MYO6: variants seen among roughly 807,000 people sequenced by gnomAD.
MYO6 encodes the protein myosin VI.
Under a neutral mutation model 178.7 loss-of-function variants are expected in MYO6, and 74 were observed. The observed-to-expected ratio is 0.41, with a 90% confidence interval of 0.34 to 0.50. The LOEUF (loss-of-function observed/expected upper bound fraction) is 0.50, where lower values mean the gene tolerates loss of function less well. Among genes scored for constraint, MYO6 ranks in the 20% least tolerant of loss-of-function variants. MYO6 has a pLI of 0.09. For synonymous variants in MYO6, 477 were observed against 504.6 expected (o/e 0.95, Z 0.73); for missense variants, 1,330 against 1,547.4 (o/e 0.86, Z 2.36).
chr6:75,784,019 T>G (rs1334093795), intron 1 of MYO6, among the ~76,000 whole-genome samples: 1 of 152,188 alleles, frequency 6.6e-6, no homozygotes, highest in East Asian at 1.9e-4. Context: ...TTGCCCAGGC[T>G]GGAGTGCGGT....
chr6:75,806,018 A>T (rs1398762355), intron 1 of MYO6, among the ~76,000 whole-genome samples: 1 of 152,204 alleles, frequency 6.6e-6, no homozygotes, highest in Non-Finnish European at 1.5e-5. Context: ...ATATTAACAT[A>T]TCTGAAAGAA....
chr6:75,872,286 A>G (rs1777220061), intron 19 of MYO6, among the ~76,000 whole-genome samples: 1 of 152,260 alleles, frequency 6.6e-6, no homozygotes. Flanking sequence ...GTTTCATTGT[A>G]TACATAATCA....
intron 20 of MYO6, among the ~76,000 whole-genome samples, chr6:75,873,806 AGAAAATGAAACAC>A (rs1777344297): frequency 6.6e-6 from 1 of 152,168 alleles, no homozygotes; most frequent in Admixed American, 6.5e-5. Flanking sequence ...CGACTTGTAA[AGAAAATGAAACAC>A]GATTCCCTCT....
chr6:75,779,234 T>C (rs1177315840), intron 1 of MYO6, among the ~76,000 whole-genome samples: 2 of 152,010 alleles, frequency 1.3e-5, no homozygotes, highest in African/African-American at 4.8e-5. Flanking sequence ...GGGTGCAGTG[T>C]CTCACACCTA....
At chr6:75,751,513 TA>T (rs1776890775) in intron 1 of MYO6, among the ~76,000 whole-genome samples, 1 of 152,224 alleles carries the variant, frequency 6.6e-6, no homozygotes, top group African/African-American at 2.4e-5. Flanking sequence ...TAATGTAAAT[TA>T]ATGCAATTAA....
chr6:75,915,835 C>T lies in MYO6; in HGVS notation c.*823C>T. ...CATAGTGGCTTAACTGGACTGAATT[C>T]AAATATTCTTTCAACTTCATCTCAA... On this transcript the variant is annotated 3_prime_UTR_variant, in exon 35 of 35. Coordinates refer to ENST00000369977, the MANE Select transcript of MYO6 (RefSeq NM_004999.4). 1 of 152,600 alleles carries T rather than the reference C, an allele frequency of 6.6e-6. No individual in the cohort carries two copies. Among genetic ancestry groups the T allele is most frequent in the Admixed American group, 6.5e-5 (1 of 15,282 alleles). 9.5% of individuals were successfully genotyped at this position (152,600 alleles called of 1,614,324 possible). A position where few individuals can be genotyped will look rare whatever the true frequency, so the allele number is the denominator to read the frequency against.
intron 1 of MYO6, among the ~76,000 whole-genome samples, chr6:75,799,389 T>TAAA (rs11358717): frequency 7.5e-6 from 1 of 133,730 alleles, no homozygotes; most frequent in Admixed American, 7.7e-5. Flanking sequence ...AAACTCTGTC[T>TAAA]AAAAAAAAAA....
At chr6:75,781,917 C>CAAAAAAA (rs10584481) in intron 1 of MYO6, among the ~76,000 whole-genome samples, 4 of 44,656 alleles carry the variant, frequency 9.0e-5, no homozygotes, top group Admixed American at 3.5e-4. Flanking sequence ...GACTCCATCT[C>CAAAAAAA]AAAAAAAAAA....
At chr6:75,809,031 A>G (rs1178293201) in intron 1 of MYO6, among the ~76,000 whole-genome samples, 1 of 152,254 alleles carries the variant, frequency 6.6e-6, no homozygotes, top group Non-Finnish European at 1.5e-5. Flanking sequence ...ATATGGCAGA[A>G]GAAGCAATGA....
At chr6:75,776,868 C>T (rs6453838) in intron 1 of MYO6, among the ~76,000 whole-genome samples, 22,801 of 152,016 alleles carry the variant, frequency 0.15, 2,770 homozygotes, top group African/African-American at 0.34. Flanking sequence ...ATCTTGTACT[C>T]CATAAAATGT....
At chr6:75,839,389 C>T (rs906642113) in intron 7 of MYO6, among the ~76,000 whole-genome samples, 3 of 151,942 alleles carry the variant, frequency 2.0e-5, no homozygotes, top group Non-Finnish European at 2.9e-5. Context: ...GGGGTTTCAA[C>T]GTGTTAGCCA....
At chr6:75,807,569 G>A (rs2150136239) in intron 1 of MYO6, among the ~76,000 whole-genome samples, 1 of 152,058 alleles carries the variant, frequency 6.6e-6, no homozygotes, top group Non-Finnish European at 1.5e-5. Flanking sequence ...CAGGAAAGGG[G>A]TCCTGATCCA....
chr6:75,885,469 G>C (rs892425279), intron 23 of MYO6, among the ~76,000 whole-genome samples: 6 of 149,298 alleles, frequency 4.0e-5, no homozygotes, highest in Non-Finnish European at 5.9e-5. Flanking sequence ...TTTTTTTTGA[G>C]ATGGAGTCTT....
At position 75,841,395 on chromosome 6, in the gene MYO6, G is replaced by T. The variant is rs1409924807; in HGVS notation, c.816+17G>T. 6 of 1,610,958 alleles carry T rather than the reference G, an allele frequency of 3.7e-6. No homozygotes were observed. The highest frequency in any genetic ancestry group is 2.2e-5 in the South Asian group (2 of 90,930). The stretch of plus-strand genomic sequence containing the variant: ...AATTTTCGGGTAGGTCAGAAGAAAA[G>T]AAATTTCATATAGCCAGGTGCAGTG... On this transcript the variant is annotated intron_variant, in intron 9 of 34. Coordinates refer to ENST00000369977, the MANE Select transcript of MYO6 (RefSeq NM_004999.4).
intron 1 of MYO6, among the ~76,000 whole-genome samples, chr6:75,787,673 C>A (rs1583072805): frequency 2.9e-5 from 2 of 69,440 alleles, no homozygotes; most frequent in Non-Finnish European, 5.3e-5. Context: ...GGGAATGGAA[C>A]TATTCTCTCT....
At chr6:75,778,436 A>G (rs1475771924) in intron 1 of MYO6, among the ~76,000 whole-genome samples, 1 of 151,748 alleles carries the variant, frequency 6.6e-6, no homozygotes, top group Non-Finnish European at 1.5e-5. Flanking sequence ...CTACTAAAAA[A>G]TACAAAAAAA....
intron 1 of MYO6, among the ~76,000 whole-genome samples, chr6:75,750,171 C>G (rs542660838): frequency 6.6e-6 from 1 of 150,588 alleles, no homozygotes; most frequent in Non-Finnish European, 1.5e-5. Flanking sequence ...TTTCCTCTCA[C>G]TGCACCCTCC....
At chr6:75,902,357 A>G (rs1234442510) in intron 30 of MYO6, among the ~76,000 whole-genome samples, 7 of 151,966 alleles carry the variant, frequency 4.6e-5, no homozygotes, top group African/African-American at 7.2e-5. Flanking sequence ...TCTGGTCCTG[A>G]ACTCTTTTTG....
chr6:75,816,313 G>C (rs548501297), intron 1 of MYO6, among the ~76,000 whole-genome samples: 38 of 152,352 alleles, frequency 2.5e-4, no homozygotes, highest in Middle Eastern at 3.4e-3. Flanking sequence ...CAGAACAGTA[G>C]GAATGCCCAT....
Sources: gnomAD v4.1 joint callset for allele counts (sites outside exome capture counted in the v4.1 genomes callset) on GRCh38, gnomAD v4.1.1 for gene constraint, MANE v1.5 for transcripts, NCBI Gene and HGNC (gene_info 2026-07-23, HGNC 2026-07-21) for gene names.